CDK5RAP2: variants seen among roughly 807,000 people sequenced by gnomAD.
The protein encoded by CDK5RAP2 is CDK5 regulatory subunit-associated protein 2.
A neutral mutation model predicts 232.9 loss-of-function variants in CDK5RAP2; 147 were observed. That is an observed-to-expected ratio of 0.63 (90% CI 0.55 to 0.72). The LOEUF (loss-of-function observed/expected upper bound fraction) is 0.72. Ranked by LOEUF, CDK5RAP2 falls within the 30% of genes least tolerant of loss-of-function variation. The pLI is 0.00. For synonymous variants in CDK5RAP2, 833 were observed against 833.7 expected (o/e 1.00, Z 0.01); for missense variants, 2,195 against 2,231.5 (o/e 0.98, Z 0.33).
intron 3 of CDK5RAP2, among the ~76,000 whole-genome samples, chr9:120,562,629 A>T (rs766303586): frequency 1.3e-5 from 2 of 150,142 alleles, no homozygotes; most frequent in Non-Finnish European, 3.0e-5. Context: ...TCATTCTCCC[A>T]CTCTTAGCCT....
chr9:120,580,030 A>AC lies in CDK5RAP2; in HGVS notation c.-53dup. 1.6e-6 allele frequency: 2 copies of AC among 1,244,116 alleles called. No homozygotes were observed. Among genetic ancestry groups the AC allele is most frequent in the Non-Finnish European group, 2.3e-6 (2 of 865,050 alleles). 77.1% of individuals were successfully genotyped at this position (1,244,116 alleles called of 1,614,324 possible). ...TGTCTGTGGCGGCGGCGCCACTAGTACCCCCCGCGATAGCGACCCGCCGGG... is the reference window on the plus strand; with the variant it reads ...TGTCTGTGGCGGCGGCGCCACTAGTACCCCCCCGCGATAGCGACCCGCCGGG... On this transcript the variant is annotated 5_prime_UTR_variant, in exon 1 of 38. Coordinates refer to ENST00000349780, the MANE Select transcript of CDK5RAP2 (RefSeq NM_018249.6).
chr9:120,473,867 C>T (rs1483547799), intron 15 of CDK5RAP2, among the ~76,000 whole-genome samples: 1 of 152,334 alleles, frequency 6.6e-6, no homozygotes, highest in Admixed American at 6.5e-5. Context: ...GTGAAAAGTA[C>T]ACAGCTGCTG....
chr9:120,529,408 C>T (rs193214019), intron 8 of CDK5RAP2, among the ~76,000 whole-genome samples: 1 of 152,344 alleles, frequency 6.6e-6, no homozygotes, highest in African/African-American at 2.4e-5. Context: ...CTACTAGCAA[C>T]CCATCTCTTG....
chr9:120,568,293 G>C (rs755364137), intron 3 of CDK5RAP2, 28 bp downstream of exon 3: 3 of 1,553,582 alleles, frequency 1.9e-6, no homozygotes, highest in South Asian at 1.1e-5. Flanking sequence ...CAATTTGTTG[G>C]GGGCAGTAAT....
Position 120,529,915 on chromosome 9 carries a change from C to T in CDK5RAP2, c.825+63G>A, listed in dbSNP as rs2041073575. 6.7e-6 allele frequency: 10 copies of T among 1,497,250 alleles called. No individual in the cohort carries two copies. The East Asian group carries it at 2.0e-4, about 30-fold the overall frequency. The allele number at this position is 1,497,250 out of a possible 1,614,324, so 92.7% of individuals were successfully genotyped here. A position where few individuals can be genotyped will look rare whatever the true frequency, so the allele number is the denominator to read the frequency against. ...AACCATGAGGACCGAATGCGCATTC[C>T]ATCTCCCACAGAGGAGTCTGGTTGG... On this transcript the variant is annotated intron_variant, in intron 8 of 37. Transcript: ENST00000349780.
intron 12 of CDK5RAP2, among the ~76,000 whole-genome samples, chr9:120,494,409 TAGG>T (rs1284638510): frequency 1.3e-5 from 2 of 152,168 alleles, no homozygotes; most frequent in Non-Finnish European, 2.9e-5. Flanking sequence ...GAAATGAGCC[TAGG>T]AGATCTTGTG....
intron 18 of CDK5RAP2, among the ~76,000 whole-genome samples, chr9:120,461,726 C>G (rs1373504522): frequency 5.3e-5 from 8 of 151,884 alleles, no homozygotes; most frequent in Non-Finnish European, 1.5e-5. Context: ...CCTGTAGTCC[C>G]AGCTACTCGG....
chr9:120,464,025 C>T (rs2037233867), intron 18 of CDK5RAP2, among the ~76,000 whole-genome samples: 1 of 152,206 alleles, frequency 6.6e-6, no homozygotes, highest in African/African-American at 2.4e-5. Flanking sequence ...ACTTCTCTAT[C>T]CCCTGCAAGC....
At chr9:120,527,634 TG>T (rs1358254236) in intron 10 of CDK5RAP2, among the ~76,000 whole-genome samples, 171 bp downstream of exon 10, 17 of 152,226 alleles carry the variant, frequency 1.1e-4, no homozygotes, top group African/African-American at 4.1e-4. Context: ...TGGACAGCAC[TG>T]GATTAGACAC....
intron 12 of CDK5RAP2, among the ~76,000 whole-genome samples, chr9:120,514,868 ATTC>A (rs2040257264): frequency 6.6e-6 from 1 of 152,194 alleles, no homozygotes; most frequent in Non-Finnish European, 1.5e-5. Flanking sequence ...GCAGCCCAAA[ATTC>A]TTCTAGAAGC....
intron 6 of CDK5RAP2, among the ~76,000 whole-genome samples, chr9:120,536,814 CAAG>C (rs1268632126): frequency 6.6e-6 from 1 of 152,038 alleles, no homozygotes; most frequent in Non-Finnish European, 1.5e-5. Context: ...TCAAGAAGAA[CAAG>C]AAGAAATGCT....
chr9:120,431,926 G>C (rs2035306857), intron 25 of CDK5RAP2, among the ~76,000 whole-genome samples: 1 of 152,196 alleles, frequency 6.6e-6, no homozygotes, highest in Non-Finnish European at 1.5e-5. Context: ...GGGAATCTAA[G>C]TTATAGACCC....
chr9:120,496,827 G>A (rs1366103585), intron 12 of CDK5RAP2, among the ~76,000 whole-genome samples: 91 of 140,952 alleles, frequency 6.5e-4, no homozygotes, highest in African/African-American at 2.6e-3. Flanking sequence ...CCCCGTCCGG[G>A]AGGTGAGGGG....
Position 120,437,365 on chromosome 9 carries a change from G to A in CDK5RAP2, c.3885C>T (p.Ala1295=), listed in dbSNP as rs376326615. The A allele has an allele frequency of 1.1e-5, 18 of 1,613,818 alleles. No individual in the cohort carries two copies. Among genetic ancestry groups the A allele is most frequent in the African/African-American group, 2.7e-5 (2 of 74,836 alleles). The change falls in exon 25 of 38, where the codon GCC becomes GCT. Residue 1295 remains alanine (A), a synonymous_variant. Transcript: ENST00000349780. ...GATTCAGCTGTTCCTGGAAACCCTC[G>A]GCCACACAGTAATCCACATCACTGG... ...LQASDVDYCV[A]EGFQEQLNQC... is the part of the protein sequence containing the mutation.
rs142762681 is a variant in CDK5RAP2, at chr9:120,423,978, A to C, written c.3956-1237T>G. Among the ~76,000 whole-genome samples the C allele has an allele frequency of 1.7e-4, 26 of 152,330 alleles. No homozygotes were observed. The East Asian group carries it at 4.8e-3, about 28-fold the overall frequency. ...CAGTGCAACATGCTAAGTGGTAGAA[A>C]GTCACCTACTATGGCAGGGCACTGT... On this transcript the variant is annotated intron_variant, in intron 25 of 37. Coordinates refer to ENST00000349780, the MANE Select transcript of CDK5RAP2 (RefSeq NM_018249.6).
chr9:120,574,821 CTTTTTTTT>C (rs35178148), intron 1 of CDK5RAP2, among the ~76,000 whole-genome samples: 7 of 128,560 alleles, frequency 5.4e-5, no homozygotes, highest in Non-Finnish European at 9.9e-5. Flanking sequence ...TTAATGTTGC[CTTTTTTTT>C]TTTTTTTTTT....
intron 3 of CDK5RAP2, among the ~76,000 whole-genome samples, chr9:120,564,831 GTTTTTT>G (rs2042591435): frequency 6.6e-6 from 1 of 152,164 alleles, no homozygotes; most frequent in Non-Finnish European, 1.5e-5. Flanking sequence ...CAAAAAACAT[GTTTTTT>G]AAAGGGAGAG....
intron 34 of CDK5RAP2, among the ~76,000 whole-genome samples, chr9:120,401,325 A>G (rs1190021406): frequency 1.3e-5 from 2 of 152,174 alleles, no homozygotes; most frequent in Non-Finnish European, 2.9e-5. Flanking sequence ...CTGCTGGCAG[A>G]GCAAACTCAA....
In CDK5RAP2 at chr9:120,487,349, A is replaced by C; in HGVS notation, c.1571T>G (p.Ile524Arg). The change falls in exon 14 of 38, where the codon ATA becomes AGA. Residue 524 changes from isoleucine (I) to arginine (R), a missense_variant. By Grantham distance (97) the Ile-to-Arg change is moderately conservative. Coordinates refer to ENST00000349780, the MANE Select transcript of CDK5RAP2 (RefSeq NM_018249.6). ...CTGTTGAGAAGAGCACTTTTCTGTT[A>C]TTAAGCCTTCACTCCTGAGCTCAAG... is the stretch of plus-strand genomic sequence containing the variant. ...EDLELRSEGLITEKCSSQQPP... is the reference protein window; with the variant it reads ...EDLELRSEGLRTEKCSSQQPP... 1 of 1,614,092 alleles carries C rather than the reference A, an allele frequency of 6.2e-7. No homozygotes were observed. The highest frequency in any genetic ancestry group is 1.1e-5 in the South Asian group (1 of 91,084).
Sources: gnomAD v4.1 joint callset for allele counts (sites outside exome capture counted in the v4.1 genomes callset) on GRCh38, gnomAD v4.1.1 for gene constraint, MANE v1.5 for transcripts, NCBI Gene and HGNC (gene_info 2026-07-23, HGNC 2026-07-21) for gene names.